TMEM200A: variants seen among roughly 807,000 people sequenced by gnomAD.
TMEM200A encodes transmembrane protein 200A, also known as two transmembrane C.
TMEM200A carries 12 observed loss-of-function variants against 24.3 expected under a neutral mutation model. The ratio of observed to expected loss-of-function variants is 0.49; its 90% CI spans 0.32 to 0.80. The LOEUF (loss-of-function observed/expected upper bound fraction) is 0.80. TMEM200A is among the 30% of genes least tolerant of loss of function. The pLI is 0.04. For synonymous variants in TMEM200A, 224 were observed against 224.4 expected (o/e 1.00, Z 0.02); for missense variants, 545 against 614.4 (o/e 0.89, Z 1.19).
chr6:130,389,036 C>T (rs549746053), intron 2 of TMEM200A, among the ~76,000 whole-genome samples: 1 of 152,220 alleles, frequency 6.6e-6, no homozygotes, highest in Admixed American at 6.5e-5. Flanking sequence ...TACGGTCTAG[C>T]TCTATTATCT....
intron 2 of TMEM200A, among the ~76,000 whole-genome samples, chr6:130,426,469 C>CA (rs201731226): frequency 0.013 from 1,979 of 150,866 alleles, 43 homozygotes; most frequent in African/African-American, 0.045. Flanking sequence ...AGCCCCCCCC[C>CA]CCTCAGTTTC....
In TMEM200A at chr6:130,441,550, G is replaced by T. The variant is rs1780182043; in HGVS notation, c.1128G>T (p.Gly376=). 1.2e-6 allele frequency: 2 copies of T among 1,613,868 alleles called. No homozygotes were observed. Reference sequence around the variant, plus strand: ...GGGCTGGACAGCTCTTGTCTCCTGGGGCTGCCAGAAGACAGTTTGGGTCCA... The same window carrying T: ...GGGCTGGACAGCTCTTGTCTCCTGGTGCTGCCAGAAGACAGTTTGGGTCCA... The part of the protein sequence containing the change: ...GPGAGQLLSP[G]AARRQFGSNT... The change falls in exon 3 of 3, where the codon GGG becomes GGT. Residue 376 remains glycine (G), a synonymous_variant. Coordinates refer to ENST00000296978, the MANE Select transcript of TMEM200A (RefSeq NM_001258277.2).
intron 2 of TMEM200A, among the ~76,000 whole-genome samples, chr6:130,429,736 C>T (rs1779830623): frequency 6.6e-6 from 1 of 152,166 alleles, no homozygotes; most frequent in African/African-American, 2.4e-5. Context: ...TTGAAACCAT[C>T]CATGAACATA....
At chr6:130,432,780 G>T (rs1165842440) in intron 2 of TMEM200A, among the ~76,000 whole-genome samples, 1 of 152,132 alleles carries the variant, frequency 6.6e-6, no homozygotes, top group African/African-American at 2.4e-5. Flanking sequence ...GACCTTAATT[G>T]CCAGAACTGA....
At chr6:130,427,329 A>AACTC (rs1293623105) in intron 2 of TMEM200A, among the ~76,000 whole-genome samples, 1 of 152,178 alleles carries the variant, frequency 6.6e-6, no homozygotes, top group South Asian at 2.1e-4. Context: ...CTGCTCTAGA[A>AACTC]ACTCAGAAAT....
In TMEM200A at chr6:130,426,471, C is replaced by A. The variant is rs566233660; in HGVS notation, c.-16-13936C>A. ...GAATCCTTTCTGCAGCCCCCCCCCC[C>A]TCAGTTTCCCTTCATCACAAGGCTG... On this transcript the variant is annotated intron_variant, in intron 2 of 2. Transcript: ENST00000296978. Among the ~76,000 whole-genome samples, 83 of 149,426 alleles carry A rather than the reference C, an allele frequency of 5.6e-4. 2 individuals are homozygous for A. Among genetic ancestry groups the A allele is most frequent in the African/African-American group, 1.9e-3 (76 of 40,638 alleles).
chr6:130,404,774 C>A (rs1462340375), intron 2 of TMEM200A, among the ~76,000 whole-genome samples: 1 of 125,374 alleles, frequency 8.0e-6, no homozygotes, highest in Non-Finnish European at 1.6e-5. Context: ...GGTTGTCTTC[C>A]AGGGTTTTTT....
chr6:130,365,599 T>A (rs1161691455), upstream of TMEM200A: 16 of 985,286 alleles, frequency 1.6e-5, no homozygotes, highest in East Asian at 1.0e-3. Flanking sequence ...TCCGGAGAAC[T>A]GGGGGAGCCG....
At chr6:130,390,869 G>T (rs1343608864) in intron 2 of TMEM200A, among the ~76,000 whole-genome samples, 1 of 152,132 alleles carries the variant, frequency 6.6e-6, no homozygotes, top group East Asian at 1.9e-4. Context: ...TCACAATAGG[G>T]TTTCTCAACC....
At chr6:130,382,016 A>T in intron 1 of TMEM200A, 1 of 955,752 alleles carries the variant, frequency 1.0e-6, no homozygotes, top group Non-Finnish European at 1.2e-6. Flanking sequence ...TATATTGTGA[A>T]CCTTTTATGA....
rs1411129273 is a variant in TMEM200A, at chr6:130,441,670, T to A, written c.1248T>A (p.His416Gln). The A allele has an allele frequency of 6.2e-7, 1 of 1,613,914 alleles. No individual in the cohort carries two copies. Among genetic ancestry groups the A allele is most frequent in the African/African-American group, 1.3e-5 (1 of 74,896 alleles). ...CTGTTCAGGCAGAACAACGGAAACATCCAAGTTGGCCTAGGTTGGATCGGA... is the reference window on the plus strand; with the variant it reads ...CTGTTCAGGCAGAACAACGGAAACAACCAAGTTGGCCTAGGTTGGATCGGA... ...TLTVQAEQRK[H>Q]PSWPRLDRNN... The change falls in exon 3 of 3, where the codon CAT becomes CAA. Residue 416 changes from histidine (H) to glutamine (Q), a missense_variant. His to Gln is a conservative substitution (Grantham distance 24). Coordinates refer to ENST00000296978, the MANE Select transcript of TMEM200A (RefSeq NM_001258277.2).
upstream of TMEM200A, chr6:130,365,653 G>A (rs1249442251): frequency 9.1e-6 from 9 of 985,314 alleles, no homozygotes; most frequent in African/African-American, 3.5e-5. Flanking sequence ...AGCTAGAGGC[G>A]GGCCCCACGG....
chr6:130,404,098 A>G (rs1346218156), intron 2 of TMEM200A, among the ~76,000 whole-genome samples: 1 of 152,080 alleles, frequency 6.6e-6, no homozygotes, highest in African/African-American at 2.4e-5. Flanking sequence ...GGTTGATTCT[A>G]TGTCTCTGCT....
chr6:130,372,814 A>G (rs996041135), intron 1 of TMEM200A, among the ~76,000 whole-genome samples: 3 of 152,220 alleles, frequency 2.0e-5, no homozygotes, highest in African/African-American at 7.2e-5. Flanking sequence ...GGTGTATAAA[A>G]ATAGAAGTAT....
At chr6:130,368,845 G>C (rs563585625) in intron 1 of TMEM200A, among the ~76,000 whole-genome samples, 2 of 152,332 alleles carry the variant, frequency 1.3e-5, no homozygotes, top group Admixed American at 1.3e-4. Flanking sequence ...TCACTAATTA[G>C]GTGGCTGTGG....
At chr6:130,394,474 A>G (rs1051146638) in intron 2 of TMEM200A, among the ~76,000 whole-genome samples, 9 of 152,092 alleles carry the variant, frequency 5.9e-5, no homozygotes, top group African/African-American at 2.2e-4. Context: ...CTTTTGGCAG[A>G]GGCTCGAATA....
At chr6:130,398,670 G>A (rs1349142213) in intron 2 of TMEM200A, among the ~76,000 whole-genome samples, 2 of 151,826 alleles carry the variant, frequency 1.3e-5, no homozygotes, top group Non-Finnish European at 1.5e-5. Flanking sequence ...TTTTAGTAAT[G>A]GCCATTCTGA....
At chr6:130,429,378 C>G (rs534029724) in intron 2 of TMEM200A, among the ~76,000 whole-genome samples, 5 of 152,202 alleles carry the variant, frequency 3.3e-5, no homozygotes, top group African/African-American at 4.8e-5. Flanking sequence ...AAAAATTAGC[C>G]AGGCATGGTG....
intron 2 of TMEM200A, among the ~76,000 whole-genome samples, chr6:130,419,058 C>T (rs1779520822): frequency 6.6e-6 from 1 of 152,164 alleles, no homozygotes; most frequent in African/African-American, 2.4e-5. Context: ...AACACTTCTA[C>T]ATACCACCAC....
Sources: allele counts gnomAD v4.1 joint callset (sites outside exome capture counted in the v4.1 genomes callset), GRCh38; gene constraint gnomAD v4.1.1; transcripts MANE v1.5; gene names NCBI Gene and HGNC (gene_info 2026-07-23, HGNC 2026-07-21).